The following TRAPPC9 variants were observed in gnomAD, a reference collection of about 807,000 sequenced individuals.
The protein encoded by TRAPPC9 is IKK2 binding protein.
Under a neutral mutation model 124.0 loss-of-function variants are expected in TRAPPC9, and 83 were observed. That is an observed-to-expected ratio of 0.67 (90% confidence interval 0.56 to 0.80). The LOEUF is 0.80. Among genes scored for constraint, TRAPPC9 ranks in the 30% least tolerant of loss-of-function variants. The probability of loss-of-function intolerance (pLI) is 0.00; values close to 1 mark genes in which losing one functional copy is unlikely to be tolerated. For missense variants in TRAPPC9, 1,302 were observed against 1,508.3 expected, an observed-to-expected ratio of 0.86 and a Z score of 2.27; for synonymous variants, 638 against 617.5, an observed-to-expected ratio of 1.03 and a Z score of -0.49.
intron 14 of TRAPPC9, among the ~76,000 whole-genome samples, chr8:140,278,396 G>C (rs2065194399): frequency 6.6e-6 from 1 of 152,166 alleles, no homozygotes; most frequent in African/African-American, 2.4e-5. Flanking sequence ...GTGAGCCACC[G>C]CACCCGGCCG....
rs2064282911 is a variant in TRAPPC9, at chr8:140,257,057, C to A, written c.2279-4128G>T. On this transcript the variant is annotated intron_variant, in intron 15 of 22. Coordinates refer to ENST00000438773, the MANE Select transcript of TRAPPC9 (RefSeq NM_001160372.4). This position sits in a 1 kb window ranked among gnomAD's most constrained non-coding sequence, Gnocchi z 4.6. The stretch of plus-strand genomic sequence containing the variant: ...GCTCTCCCTCTGTGCCAGGCACTGT[C>A]TGAAGTTCATATGCTAAGGCCAGAG... 6.6e-6 allele frequency among the ~76,000 whole-genome samples: 1 copy of A among 152,174 alleles called. No individual in the cohort carries two copies. The highest frequency in any genetic ancestry group is 2.4e-5 in the African/African-American group (1 of 41,438).
At chr8:140,294,452 T>G (rs1007140571) in intron 11 of TRAPPC9, among the ~76,000 whole-genome samples, 7 of 152,166 alleles carry the variant, frequency 4.6e-5, no homozygotes, top group African/African-American at 1.7e-4. Context: ...AGAAATGGCT[T>G]GCCCTATCAT....
intron 9 of TRAPPC9, among the ~76,000 whole-genome samples, chr8:140,343,339 T>C (rs1335061122): frequency 6.6e-6 from 1 of 152,224 alleles, no homozygotes; most frequent in Non-Finnish European, 1.5e-5. Flanking sequence ...GCATTTTTCT[T>C]TTCATTAAAA....
At chr8:140,057,314 G>A (rs1211019742) in intron 17 of TRAPPC9, among the ~76,000 whole-genome samples, 2 of 152,164 alleles carry the variant, frequency 1.3e-5, no homozygotes, top group Admixed American at 6.5e-5. Flanking sequence ...ACTACTAAAT[G>A]ATCCAGCAAT....
At chr8:140,296,159 G>A (rs1483300017) in intron 11 of TRAPPC9, among the ~76,000 whole-genome samples, 8 of 152,144 alleles carry the variant, frequency 5.3e-5, no homozygotes, top group Admixed American at 2.0e-4. Flanking sequence ...TAATAATGCC[G>A]GCAGCATCAG....
intron 18 of TRAPPC9, among the ~76,000 whole-genome samples, chr8:140,022,111 C>T (rs1839865569): frequency 6.6e-6 from 1 of 152,088 alleles, no homozygotes; most frequent in Non-Finnish European, 1.5e-5. Context: ...AAAGTATGTG[C>T]CAGAGCAGTG....
chr8:140,377,292 C>CT (rs112138031), intron 7 of TRAPPC9, among the ~76,000 whole-genome samples: 10,512 of 150,164 alleles, frequency 0.07, 931 homozygotes, highest in African/African-American at 0.21. Context: ...TTCTCAGTTT[C>CT]TTTTTTTTTT....
At chr8:140,152,448 C>T (rs1472960182) in intron 17 of TRAPPC9, among the ~76,000 whole-genome samples, 1 of 149,632 alleles carries the variant, frequency 6.7e-6, no homozygotes, top group African/African-American at 2.5e-5. Flanking sequence ...GCAAGCTCCG[C>T]CTCCCAGGTT....
chr8:140,289,082 C>T (rs967797725), intron 12 of TRAPPC9, among the ~76,000 whole-genome samples: 3 of 152,122 alleles, frequency 2.0e-5, no homozygotes, highest in African/African-American at 7.2e-5. Flanking sequence ...TCCCCGTGAA[C>T]AGGGCAGATG....
chr8:139,961,139 C>A lies in TRAPPC9; in HGVS notation c.2810+27587G>T, dbSNP rs1403995846. On this transcript the variant is annotated intron_variant, in intron 19 of 22. Coordinates refer to ENST00000438773, the MANE Select transcript of TRAPPC9 (RefSeq NM_001160372.4). ...GAAGAGGAGGACAGCAGGAAACCCA[C>A]ATGTGTCCTCGGACAAACCCACGTG... Among the ~76,000 whole-genome samples the A allele has an allele frequency of 1.6e-5, 2 of 125,026 alleles. 1 individual carries two copies. The highest frequency in any genetic ancestry group is 3.8e-5 in the Non-Finnish European group (2 of 52,420). 82.0% of individuals were successfully genotyped at this position (125,026 alleles called of 152,430 possible).
chr8:140,347,303 C>A (rs767042384), intron 9 of TRAPPC9, among the ~76,000 whole-genome samples: 47 of 152,238 alleles, frequency 3.1e-4, no homozygotes, highest in Non-Finnish European at 5.9e-5. Flanking sequence ...CCTTCTGGAT[C>A]CAGCAGCAGA....
In TRAPPC9 at chr8:139,815,640, G is replaced by A. The variant is rs992275455; in HGVS notation, c.3055+70239C>T. On this transcript the variant is annotated intron_variant, in intron 21 of 22. Transcript: ENST00000438773. Reference sequence around the variant, plus strand: ...CTCCTGACCTCAAATGATCCGCCCAGCTTAACCTCCCAAAGTGCTGATTAC... The same window carrying A: ...CTCCTGACCTCAAATGATCCGCCCAACTTAACCTCCCAAAGTGCTGATTAC... Among the ~76,000 whole-genome samples, 16 of 128,716 alleles carry A rather than the reference G, an allele frequency of 1.2e-4. No homozygotes were observed. The South Asian group carries it at 3.8e-3, about 31-fold the overall frequency. The allele number at this position is 128,716 out of a possible 152,430, so 84.4% of individuals were successfully genotyped here. A position where few individuals can be genotyped will look rare whatever the true frequency, so the allele number is the denominator to read the frequency against.
intron 21 of TRAPPC9, among the ~76,000 whole-genome samples, chr8:139,837,942 C>T (rs1826466277): frequency 2.6e-5 from 4 of 152,178 alleles, no homozygotes; most frequent in African/African-American, 9.7e-5. Context: ...CCATCTCTAA[C>T]CATGTTGTCC....
At position 139,729,425 on chromosome 8, in the gene TRAPPC9, G is replaced by T. The variant is rs1309287196; in HGVS notation, c.*1636C>A. On this transcript the variant is annotated 3_prime_UTR_variant, in exon 23 of 23. Coordinates refer to ENST00000438773, the MANE Select transcript of TRAPPC9 (RefSeq NM_001160372.4). ...ACGCTGAGGCATCCTGAACGGAAGG[G>T]CTGAAGAGACCGCCCTGGGGTCTCC... is the stretch of plus-strand genomic sequence containing the variant. 2.6e-5 allele frequency among the ~76,000 whole-genome samples: 4 copies of T among 152,214 alleles called. No homozygotes were observed. Among genetic ancestry groups the T allele is most frequent in the Non-Finnish European group, 5.9e-5 (4 of 68,044 alleles).
chr8:140,119,862 T>C (rs970869260), intron 17 of TRAPPC9, among the ~76,000 whole-genome samples: 6 of 152,202 alleles, frequency 3.9e-5, no homozygotes, highest in South Asian at 2.1e-4. Flanking sequence ...TGGGCTCCTG[T>C]AGAACTGTTT....
At chr8:140,232,416 T>C (rs1352392531) in intron 16 of TRAPPC9, among the ~76,000 whole-genome samples, 2 of 126,426 alleles carry the variant, frequency 1.6e-5, no homozygotes, top group Non-Finnish European at 4.0e-5. Context: ...TAGTATGAAC[T>C]GCTTTTGTCC....
chr8:140,240,401 C>G (rs903688957), intron 16 of TRAPPC9, among the ~76,000 whole-genome samples: 2 of 152,162 alleles, frequency 1.3e-5, no homozygotes, highest in East Asian at 3.9e-4. Flanking sequence ...TCTGACCCCC[C>G]CAGGCTACGG....
chr8:140,026,307 G>A (rs1840145389), intron 17 of TRAPPC9, among the ~76,000 whole-genome samples: 1 of 152,172 alleles, frequency 6.6e-6, no homozygotes, highest in Non-Finnish European at 1.5e-5. Flanking sequence ...GCTATGGTTG[G>A]ACAGTGCCGA....
At chr8:139,830,747 C>T (rs1825937547) in intron 21 of TRAPPC9, among the ~76,000 whole-genome samples, 1 of 152,190 alleles carries the variant, frequency 6.6e-6, no homozygotes, top group Non-Finnish European at 1.5e-5. Context: ...CTAGAAGGGG[C>T]TGTGTTAGCC....
Sources: allele counts gnomAD v4.1 joint callset (sites outside exome capture counted in the v4.1 genomes callset), GRCh38; gene constraint gnomAD v4.1.1; non-coding constraint Gnocchi (gnomAD v3.1); transcripts MANE v1.5; gene names NCBI Gene and HGNC (gene_info 2026-07-23, HGNC 2026-07-21).